THSD7A: variants seen among roughly 807,000 people sequenced by gnomAD.
The protein encoded by THSD7A is thrombospondin type-1 domain-containing protein 7A.
A neutral mutation model predicts 231.3 loss-of-function variants in THSD7A; 96 were observed. The ratio of observed to expected loss-of-function variants is 0.41; its 90% CI spans 0.35 to 0.49. THSD7A has a LOEUF of 0.49. Ranked by LOEUF, THSD7A falls within the 20% of genes least tolerant of loss-of-function variation. The probability of loss-of-function intolerance (pLI) is 0.05; values close to 1 mark genes in which losing one functional copy is unlikely to be tolerated. For missense variants in THSD7A, 2,290 were observed against 2,070.2 expected, an observed-to-expected ratio of 1.11 and a Z score of -2.06; for synonymous variants, 940 against 743.3, an observed-to-expected ratio of 1.26 and a Z score of -4.30.
intron 1 of THSD7A, among the ~76,000 whole-genome samples, chr7:11,804,826 G>A (rs76464637): frequency 0.022 from 3,358 of 152,100 alleles, 76 homozygotes; most frequent in Non-Finnish European, 0.028. Context: ...GCGGCCTCTC[G>A]GTCCCCATGT....
At chr7:11,401,720 T>G in intron 23 of THSD7A, 75 bp downstream of exon 23, 1 of 1,424,292 alleles carries the variant, frequency 7.0e-7, no homozygotes, top group South Asian at 1.5e-5. Context: ...CCAACTTTGT[T>G]TATTTTTAAC....
chr7:11,794,689 C>T (rs1221077829), intron 1 of THSD7A, among the ~76,000 whole-genome samples: 1 of 151,922 alleles, frequency 6.6e-6, no homozygotes, highest in Non-Finnish European at 1.5e-5. Context: ...ATGAGGGGCT[C>T]ATCTTCATAA....
At chr7:11,786,216 C>T (rs1167076240) in intron 1 of THSD7A, among the ~76,000 whole-genome samples, 1 of 152,012 alleles carries the variant, frequency 6.6e-6, no homozygotes, top group Non-Finnish European at 1.5e-5. Flanking sequence ...CGAAAACCAT[C>T]ACTAACCCCT....
chr7:11,776,249 G>T (rs1783402095), intron 1 of THSD7A, among the ~76,000 whole-genome samples: 1 of 152,110 alleles, frequency 6.6e-6, no homozygotes, highest in Non-Finnish European at 1.5e-5. Context: ...TCTCCTGCAG[G>T]GCGGTGAACA....
chr7:11,626,842 GA>G (rs1781486479), intron 2 of THSD7A, among the ~76,000 whole-genome samples: 1 of 151,944 alleles, frequency 6.6e-6, no homozygotes, highest in Non-Finnish European at 1.5e-5. Flanking sequence ...CAATAATATT[GA>G]AATAATATTC....
chr7:11,749,095 T>A (rs957541084), intron 1 of THSD7A, among the ~76,000 whole-genome samples: 13 of 152,114 alleles, frequency 8.5e-5, no homozygotes, highest in Non-Finnish European at 1.6e-4. Context: ...GGTGGCGATT[T>A]GTGGTCCGGT....
At chr7:11,558,035 T>C (rs2214589) in intron 4 of THSD7A, among the ~76,000 whole-genome samples, 18,743 of 152,114 alleles carry the variant, frequency 0.12, 2,424 homozygotes, top group African/African-American at 0.32. Flanking sequence ...ATTTGTCCTT[T>C]GGCTAGAAAG....
intron 1 of THSD7A, among the ~76,000 whole-genome samples, chr7:11,726,485 A>C (rs1781552181): frequency 6.6e-6 from 1 of 151,998 alleles, no homozygotes. Context: ...CCTTTTGCCC[A>C]CTTTTTGGTA....
intron 1 of THSD7A, among the ~76,000 whole-genome samples, chr7:11,639,006 T>C (rs1442429977): frequency 6.6e-6 from 1 of 152,164 alleles, no homozygotes; most frequent in African/African-American, 2.4e-5. Flanking sequence ...TTGGCATTTA[T>C]TCCCCATCCC....
At chr7:11,567,001 G>C (rs967233851) in intron 4 of THSD7A, among the ~76,000 whole-genome samples, 14 of 127,038 alleles carry the variant, frequency 1.1e-4, no homozygotes, top group Non-Finnish European at 1.4e-4. Flanking sequence ...TCCTAAAGTT[G>C]TTGTTCCTGT....
intron 1 of THSD7A, among the ~76,000 whole-genome samples, chr7:11,723,870 G>A (rs189837041): frequency 4.6e-5 from 7 of 151,826 alleles, no homozygotes; most frequent in Non-Finnish European, 7.4e-5. Flanking sequence ...AGACCATATA[G>A]ACATTAACAG....
rs1782213540 is a variant in THSD7A, at chr7:11,375,154, G to A, written c.*640C>T. The A allele has an allele frequency of 6.6e-6, 1 of 151,784 alleles. No individual in the cohort carries two copies. Among genetic ancestry groups the A allele is most frequent in the Non-Finnish European group, 1.5e-5 (1 of 67,924 alleles). 9.4% of individuals were successfully genotyped at this position (151,784 alleles called of 1,614,324 possible). ...TCGTTCTTCTAAGACACTAGTACTTGTCCAGCATTCTTACTTTGGAGAGAG... is the reference window on the plus strand; with the variant it reads ...TCGTTCTTCTAAGACACTAGTACTTATCCAGCATTCTTACTTTGGAGAGAG... On this transcript the variant is annotated 3_prime_UTR_variant, in exon 28 of 28. Transcript: ENST00000423059.
chr7:11,732,699 T>C (rs1301993306), intron 1 of THSD7A, among the ~76,000 whole-genome samples: 2 of 151,958 alleles, frequency 1.3e-5, no homozygotes, highest in East Asian at 3.9e-4. Flanking sequence ...GAGTTAATTA[T>C]CTTTACAGCT....
intron 6 of THSD7A, among the ~76,000 whole-genome samples, chr7:11,539,709 T>C (rs1789061895): frequency 6.6e-6 from 1 of 152,230 alleles, no homozygotes; most frequent in African/African-American, 2.4e-5. Flanking sequence ...CTTTAGTCTA[T>C]ATAAAATATA....
At chr7:11,598,028 C>T (rs1780426775) in intron 2 of THSD7A, among the ~76,000 whole-genome samples, 1 of 152,156 alleles carries the variant, frequency 6.6e-6, no homozygotes, top group Non-Finnish European at 1.5e-5. Flanking sequence ...TGAACGTGGA[C>T]AGCTGCAGCA....
At chr7:11,599,896 G>A (rs961538930) in intron 2 of THSD7A, among the ~76,000 whole-genome samples, 1 of 138,510 alleles carries the variant, frequency 7.2e-6, no homozygotes, top group African/African-American at 2.7e-5. Flanking sequence ...CTAATCAGCT[G>A]CCAGTGAGTC....
intron 6 of THSD7A, among the ~76,000 whole-genome samples, chr7:11,483,436 A>C (rs900681528): frequency 5.3e-5 from 8 of 152,214 alleles, no homozygotes; most frequent in African/African-American, 1.7e-4. Flanking sequence ...ATTGCAATTG[A>C]GTAAATATTT....
At chr7:11,685,099 A>T (rs1779989687) in intron 1 of THSD7A, among the ~76,000 whole-genome samples, 1 of 151,952 alleles carries the variant, frequency 6.6e-6, no homozygotes. Flanking sequence ...TTCTTGACAA[A>T]GTCAGCAAAA....
In THSD7A at chr7:11,713,577, T is replaced by C. The variant is rs138560116; in HGVS notation, c.191-76616A>G. 6.6e-3 allele frequency among the ~76,000 whole-genome samples: 1,004 copies of C among 151,344 alleles called. 6 individuals are homozygous for C. The highest frequency in any genetic ancestry group is 9.7e-3 in the Non-Finnish European group (652 of 67,480). On this transcript the variant is annotated intron_variant, in intron 1 of 27. Transcript: ENST00000423059. Reference sequence around the variant, plus strand: ...CTATTCAGAGTAAAAGTCCGAACTTTATTGCGTATATCAGGAAGCAATTGT... The same window carrying C: ...CTATTCAGAGTAAAAGTCCGAACTTCATTGCGTATATCAGGAAGCAATTGT...
Sources: gnomAD v4.1 joint callset for allele counts (sites outside exome capture counted in the v4.1 genomes callset) on GRCh38, gnomAD v4.1.1 for gene constraint, MANE v1.5 for transcripts, NCBI Gene and HGNC (gene_info 2026-07-23, HGNC 2026-07-21) for gene names.